SPATA13: variants seen among roughly 807,000 people sequenced by gnomAD.
The protein encoded by SPATA13 is spermatogenesis associated 13.
In SPATA13, 50 loss-of-function variants were observed where a neutral mutation model predicts 104.0. That is an observed-to-expected ratio of 0.48 (90% CI 0.38 to 0.61). The LOEUF is 0.61. Among genes scored for constraint, SPATA13 ranks in the 20% least tolerant of loss-of-function variants. SPATA13 has a pLI of 0.00. For missense variants in SPATA13, 1,524 were observed against 1,690.6 expected, an observed-to-expected ratio of 0.90 and a Z score of 1.73; for synonymous variants, 606 against 667.5, an observed-to-expected ratio of 0.91 and a Z score of 1.42.
chr13:24,278,470 G>A (rs1030979410), intron 4 of SPATA13: 1 of 429,034 alleles, frequency 2.3e-6, no homozygotes, highest in Non-Finnish European at 4.0e-6. Flanking sequence ...ATAGAGATGG[G>A]TCTTATTATG....
intron 1 of SPATA13, among the ~76,000 whole-genome samples, chr13:24,172,881 G>A (rs1490855301): frequency 6.6e-6 from 1 of 152,202 alleles, no homozygotes; most frequent in Non-Finnish European, 1.5e-5. Context: ...GGATCTGATA[G>A]TGATTTTGGG....
chr13:24,305,295 T>G lies in SPATA13; in HGVS notation c.*2522T>G, dbSNP rs1877506662. ...ACTTATGAATACCAGGATGTGTTTT[T>G]GTTAAGTCAGGTTCAATTCGTTGCC... On this transcript the variant is annotated 3_prime_UTR_variant, in exon 13 of 13. Transcript: ENST00000382108. The G allele has an allele frequency of 1.3e-5, 2 of 152,126 alleles. No homozygotes were observed. Among genetic ancestry groups the G allele is most frequent in the South Asian group, 4.2e-4 (2 of 4,794 alleles). 9.4% of individuals were successfully genotyped at this position (152,126 alleles called of 1,614,324 possible).
Position 24,088,495 on chromosome 13 carries a change from G to T in SPATA13, c.-112+70794G>T, listed in dbSNP as rs1287084906. ...TGACACTTCTCTTAGGGAAACACTG[G>T]GCACCATGTGTTGATCGTTGGGTCC... On this transcript the variant is annotated intron_variant, in intron 3 of 14. Coordinates refer to the SPATA13 transcript ENST00000424834. The surrounding 1 kb of genome is among the most constrained non-coding windows in gnomAD (Gnocchi z 4.3). Among the ~76,000 whole-genome samples, 1 of 152,080 alleles carries T rather than the reference G, an allele frequency of 6.6e-6. No homozygotes were observed. The highest frequency in any genetic ancestry group is 2.4e-5 in the African/African-American group (1 of 41,402).
At chr13:24,070,452 T>A (rs898649751) in intron 3 of SPATA13, among the ~76,000 whole-genome samples, 1 of 152,142 alleles carries the variant, frequency 6.6e-6, no homozygotes, top group Non-Finnish European at 1.5e-5. Context: ...ACTTGGCGTC[T>A]CTGGTGTGTT....
chr13:24,153,598 C>A (rs992376982), intron 3 of SPATA13, among the ~76,000 whole-genome samples: 2 of 152,146 alleles, frequency 1.3e-5, no homozygotes, highest in African/African-American at 4.8e-5. Context: ...ATCCACGGTA[C>A]GCTGCAAGGA....
intron 4 of SPATA13, among the ~76,000 whole-genome samples, chr13:24,270,027 C>T (rs1874493635): frequency 6.6e-6 from 1 of 151,968 alleles, no homozygotes. Flanking sequence ...CAGCTTAAAC[C>T]CACATTTACT....
chr13:24,182,933 G>A (rs776836456), intron 1 of SPATA13, among the ~76,000 whole-genome samples: 7 of 152,166 alleles, frequency 4.6e-5, no homozygotes, highest in Admixed American at 4.6e-4. Context: ...GCTCACAGCA[G>A]GGCCTTGGTG....
chr13:24,265,787 G>C (rs1036449968), intron 4 of SPATA13, among the ~76,000 whole-genome samples: 2 of 152,056 alleles, frequency 1.3e-5, no homozygotes, highest in African/African-American at 4.8e-5. Flanking sequence ...TGGTAATGGG[G>C]CCATATCAAA....
chr13:24,030,089 CATACAT>C (rs1484786385), intron 3 of SPATA13, among the ~76,000 whole-genome samples: 8 of 140,984 alleles, frequency 5.7e-5, no homozygotes, highest in East Asian at 4.2e-4. Context: ...CACACACACA[CATACAT>C]ACATACATAC....
chr13:24,171,042 C>G (rs1882946893), intron 1 of SPATA13, among the ~76,000 whole-genome samples: 1 of 151,838 alleles, frequency 6.6e-6, no homozygotes, highest in African/African-American at 2.4e-5. Context: ...CCCCTTCTTT[C>G]TGAATCCTGC....
intron 3 of SPATA13, among the ~76,000 whole-genome samples, chr13:24,148,959 G>A (rs1398722929): frequency 6.6e-6 from 1 of 152,208 alleles, no homozygotes; most frequent in Non-Finnish European, 1.5e-5. Flanking sequence ...TGCCACATGA[G>A]AGCAGGGCTC....
chr13:24,254,595 A>C (rs1291030716), intron 4 of SPATA13, among the ~76,000 whole-genome samples: 1 of 152,152 alleles, frequency 6.6e-6, no homozygotes, highest in Non-Finnish European at 1.5e-5. Flanking sequence ...AGAGTGCAGG[A>C]AAACAAATCC....
At chr13:24,014,070 A>G (rs112332205) in intron 2 of SPATA13, among the ~76,000 whole-genome samples, 1 of 152,196 alleles carries the variant, frequency 6.6e-6, no homozygotes, top group African/African-American at 2.4e-5. Flanking sequence ...GGCTTTGACA[A>G]CAGAAATGGT....
At chr13:24,266,451 A>AT (rs987779954) in intron 4 of SPATA13, among the ~76,000 whole-genome samples, 4 of 151,944 alleles carry the variant, frequency 2.6e-5, no homozygotes, top group African/African-American at 7.3e-5. Flanking sequence ...AGCTGGGCTA[A>AT]TTTTTTTATT....
intron 4 of SPATA13, among the ~76,000 whole-genome samples, chr13:24,278,975 TCC>T (rs1566188353): frequency 2.9e-5 from 1 of 34,522 alleles, no homozygotes; most frequent in African/African-American, 9.2e-5. Context: ...CCTCCTTCCC[TCC>T]CTCCCTCCCT....
chr13:24,105,309 T>C (rs570038590), intron 3 of SPATA13, among the ~76,000 whole-genome samples: 2 of 152,048 alleles, frequency 1.3e-5, no homozygotes, highest in Non-Finnish European at 2.9e-5. Context: ...TTATTTTTTG[T>C]ATTTTGGGGG....
intron 1 of SPATA13, among the ~76,000 whole-genome samples, chr13:24,182,904 C>A (rs570016765): frequency 1.6e-4 from 24 of 152,236 alleles, no homozygotes; most frequent in African/African-American, 5.5e-4. Flanking sequence ...CCAAAGAAGG[C>A]AAAGGCAGCT....
intron 2 of SPATA13, among the ~76,000 whole-genome samples, chr13:24,010,664 T>G (rs1593274184): frequency 6.6e-6 from 1 of 151,968 alleles, no homozygotes; most frequent in Admixed American, 6.6e-5. Context: ...CTCCCAGCAG[T>G]CTACTTCCTT....
At chr13:24,209,788 G>A (rs1457250166) in intron 1 of SPATA13, among the ~76,000 whole-genome samples, 1 of 152,080 alleles carries the variant, frequency 6.6e-6, no homozygotes, top group African/African-American at 2.4e-5. Flanking sequence ...ACCCAGTATT[G>A]GGATTGCTGT....
Sources: allele counts gnomAD v4.1 joint callset (sites outside exome capture counted in the v4.1 genomes callset), GRCh38; gene constraint gnomAD v4.1.1; non-coding constraint Gnocchi (gnomAD v3.1); transcripts MANE v1.5; gene names NCBI Gene and HGNC (gene_info 2026-07-23, HGNC 2026-07-21).